The following GDPD1 variants were observed in gnomAD, a reference collection of about 807,000 sequenced individuals.
GDPD1 encodes the protein lysophospholipase D GDPD1.
In GDPD1, 28 loss-of-function variants were observed where a neutral mutation model predicts 45.1. That is an observed-to-expected ratio of 0.62 (90% CI 0.46 to 0.85). The LOEUF (loss-of-function observed/expected upper bound fraction) is 0.85, where lower values mean the gene tolerates loss of function less well. GDPD1 is among the 40% of genes least tolerant of loss of function. The pLI, the probability that GDPD1 is intolerant of heterozygous loss-of-function variation, is 0.00. For synonymous variants in GDPD1, 139 were observed against 131.4 expected, an observed-to-expected ratio of 1.06 and a Z score of -0.40; for missense variants, 256 against 364.8, an observed-to-expected ratio of 0.70 and a Z score of 2.43.
rs2047405391 is a variant in GDPD1 at position 59,267,167 on chromosome 17, A to G, written c.703A>G (p.Ile235Val). ...QFFEIPMPSIILKLKEPHTMS... is the reference protein window; with the variant it reads ...QFFEIPMPSIVLKLKEPHTMS... Reference sequence around the variant, plus strand: ...TTTTGAAATCCCAATGCCTTCTATTATACTGAAGTAAGTGGTTACCCTTTT... The same window carrying G: ...TTTTGAAATCCCAATGCCTTCTATTGTACTGAAGTAAGTGGTTACCCTTTT... The change falls in exon 7 of 10, where the codon ATA becomes GTA. Residue 235 changes from isoleucine to valine, a missense_variant. Ile to Val is a conservative substitution (Grantham distance 29). Coordinates refer to ENST00000284116, the MANE Select transcript of GDPD1 (RefSeq NM_182569.4). The G allele has an allele frequency of 1.2e-6, 2 of 1,612,776 alleles. No homozygotes were observed. The highest frequency in any genetic ancestry group is 8.5e-7 in the Non-Finnish European group (1 of 1,179,508).
rs1226181221 is a variant in GDPD1 at position 59,255,874 on chromosome 17, T to TACAC, written c.368-1232_368-1229dup. Among the ~76,000 whole-genome samples, 5 of 46,458 alleles carry TACAC rather than the reference T, an allele frequency of 1.1e-4. No individual in the cohort carries two copies. The East Asian group carries it at 2.0e-3, about 19-fold the overall frequency. 30.5% of individuals were successfully genotyped at this position (46,458 alleles called of 152,430 possible). A position where few individuals can be genotyped will look rare whatever the true frequency, so the allele number is the denominator to read the frequency against. On this transcript the variant is annotated intron_variant, in intron 4 of 9. Coordinates refer to ENST00000284116, the MANE Select transcript of GDPD1 (RefSeq NM_182569.4). Reference sequence around the variant, plus strand: ...ATACACACGTATATATATATATATATACACACACACACACACACATATATA... The same window carrying TACAC: ...ATACACACGTATATATATATATATATACACACACACACACACACACACATATATA...
chr17:59,245,502 A>C lies in GDPD1; in HGVS notation c.274A>C (p.Lys92Gln). The C allele has an allele frequency of 1.2e-6, 2 of 1,611,540 alleles. No individual in the cohort carries two copies. The highest frequency in any genetic ancestry group is 8.5e-7 in the Non-Finnish European group (1 of 1,177,852). ...TGTAGTGTCACATGATGAGAATCTAAAGAGAGCAACTGGGGTCAATGTAAA... is the reference window on the plus strand; with the variant it reads ...TGTAGTGTCACATGATGAGAATCTACAGAGAGCAACTGGGGTCAATGTAAA... ...QVVVSHDENLKRATGVNVNIS... is the reference protein window; with the variant it reads ...QVVVSHDENLQRATGVNVNIS... Residue 92 changes from lysine to glutamine, a missense_variant, in exon 3 of 10, where the codon AAG becomes CAG. Coordinates refer to ENST00000284116, the MANE Select transcript of GDPD1 (RefSeq NM_182569.4).
intron 1 of GDPD1, among the ~76,000 whole-genome samples, chr17:59,225,882 C>T (rs2047043622): frequency 2.0e-5 from 3 of 151,974 alleles, no homozygotes; most frequent in South Asian, 2.1e-4. Context: ...CCACCATGCC[C>T]GGCTAATTTT....
chr17:59,240,352 A>G (rs1379850947), intron 2 of GDPD1, among the ~76,000 whole-genome samples: 1 of 152,118 alleles, frequency 6.6e-6, no homozygotes, highest in African/African-American at 2.4e-5. Context: ...ATAAGGATAT[A>G]AAGAAAGAAA....
intron 1 of GDPD1, among the ~76,000 whole-genome samples, chr17:59,233,922 A>G (rs1393590146): frequency 6.6e-6 from 1 of 152,192 alleles, no homozygotes; most frequent in Non-Finnish European, 1.5e-5. Flanking sequence ...TATGAGGAGT[A>G]TATGAAAACT....
At position 59,225,747 on chromosome 17, in the gene GDPD1, A is replaced by G. The variant is rs114299200; in HGVS notation, c.142+4996A>G. ...ATTTTATTATTATTTTTTGAGACGA[A>G]GTCTTGCTTAGTCTCCCAGGCTGGA... On this transcript the variant is annotated intron_variant, in intron 1 of 9. Coordinates refer to ENST00000284116, the MANE Select transcript of GDPD1 (RefSeq NM_182569.4). 4.8e-3 allele frequency among the ~76,000 whole-genome samples: 732 copies of G among 152,184 alleles called. 9 individuals carry two copies. Among genetic ancestry groups the G allele is most frequent in the African/African-American group, 0.017 (687 of 41,506 alleles).
At position 59,250,703 on chromosome 17, in the gene GDPD1, T is replaced by G. The variant is rs1386987759; in HGVS notation, c.367+1918T>G. Among the ~76,000 whole-genome samples the G allele has an allele frequency of 1.1e-4, 17 of 152,132 alleles. No homozygotes were observed. In the East Asian group the frequency reaches 3.3e-3, roughly 29 times the overall value. On this transcript the variant is annotated intron_variant, in intron 4 of 9. Transcript: ENST00000284116. ...TGTCCCTCAGAAAGTCATGAAACTG[T>G]TTTTTCTTTCTTTTGAGGCAGAATC... is the stretch of plus-strand genomic sequence containing the variant.
chr17:59,270,956 T>G lies in GDPD1; in HGVS notation c.731T>G (p.Met244Arg). ...IILKLKEPHT[M>R]SRSQKFLIWL... ...CCTAGGCTAAAAGAACCACACACCA[T>G]GTCCAGAAGTCAAAAGTTTCTCATC... Residue 244 changes from methionine to arginine, a missense_variant, in exon 8 of 10, where the codon ATG becomes AGG. Coordinates refer to ENST00000284116, the MANE Select transcript of GDPD1 (RefSeq NM_182569.4). 1 of 1,604,614 alleles carries G rather than the reference T, an allele frequency of 6.2e-7. No homozygotes were observed. Among genetic ancestry groups the G allele is most frequent in the Non-Finnish European group, 8.5e-7 (1 of 1,174,326 alleles).
intron 1 of GDPD1, among the ~76,000 whole-genome samples, chr17:59,231,517 G>A (rs991309296): frequency 3.3e-5 from 5 of 151,250 alleles, no homozygotes; most frequent in East Asian, 2.0e-4. Flanking sequence ...TAGTAGAGAC[G>A]GGGTTTCACC....
rs1228564285 is a variant in GDPD1 at position 59,273,819 on chromosome 17, G to A, written c.*46G>A. The A allele has an allele frequency of 1.3e-6, 2 of 1,497,162 alleles. No homozygotes were observed. The highest frequency in any genetic ancestry group is 2.4e-5 in the Admixed American group (1 of 41,540). The allele number at this position is 1,497,162 out of a possible 1,614,324, so 92.7% of individuals were successfully genotyped here. A position where few individuals can be genotyped will look rare whatever the true frequency, so the allele number is the denominator to read the frequency against. On this transcript the variant is annotated 3_prime_UTR_variant, in exon 10 of 10. Coordinates refer to ENST00000284116, the MANE Select transcript of GDPD1 (RefSeq NM_182569.4). ...ATTGAAGGAAAAAATGAAGACCTAA[G>A]AAAAAAATATTTCATGATCATTTCC...
chr17:59,251,537 T>C (rs1433981194), intron 4 of GDPD1, among the ~76,000 whole-genome samples: 1 of 150,708 alleles, frequency 6.6e-6, no homozygotes, highest in East Asian at 1.9e-4. Context: ...AAAAGAACAA[T>C]GCTGTGGAAA....
chr17:59,260,552 G>A (rs560779137), intron 6 of GDPD1, among the ~76,000 whole-genome samples: 220 of 151,860 alleles, frequency 1.4e-3, no homozygotes, highest in African/African-American at 4.5e-3. Context: ...AAAAAAAAGT[G>A]TATAAAAATT....
Position 59,248,765 on chromosome 17 carries a change from T to C in GDPD1, c.347T>C (p.Leu116Pro), listed in dbSNP as rs2047231873. The C allele has an allele frequency of 6.2e-7, 1 of 1,606,226 alleles. No individual in the cohort carries two copies. The highest frequency in any genetic ancestry group is 8.5e-7 in the Non-Finnish European group (1 of 1,175,844). The change falls in exon 4 of 10, where the codon CTG (leucine) becomes CCG (proline). Residue 116 changes from leucine (L) to proline (P), a missense_variant. Physicochemically the swap from Leu to Pro is moderately conservative, Grantham distance 98 (BLOSUM62 -3). Transcript: ENST00000284116. ...GAGCTCCCACCTTACCTTGGCAAAC[T>C]GGATGTCTCATTTCAAAGAGGTAAT... The part of the protein sequence containing the change: ...YCELPPYLGK[L>P]DVSFQRACQC...
At position 59,274,267 on chromosome 17, in the gene GDPD1, C is replaced by T; in HGVS notation, c.*494C>T. The T allele has an allele frequency of 6.3e-6, 3 of 478,678 alleles. No homozygotes were observed. The highest frequency in any genetic ancestry group is 8.2e-6 in the Non-Finnish European group (3 of 366,876). 29.7% of individuals were successfully genotyped at this position (478,678 alleles called of 1,614,324 possible). A position where few individuals can be genotyped will look rare whatever the true frequency, so the allele number is the denominator to read the frequency against. On this transcript the variant is annotated 3_prime_UTR_variant, in exon 10 of 10. Coordinates refer to ENST00000284116, the MANE Select transcript of GDPD1 (RefSeq NM_182569.4). ...GTGGCTCATGCCTGTAATCCCAGCA[C>T]TTTGGGAGGCTGAGACAGGCGGATC...
At chr17:59,225,090 C>CTTTTTTTTT (rs796851725) in intron 1 of GDPD1, among the ~76,000 whole-genome samples, 221 of 113,584 alleles carry the variant, frequency 1.9e-3, no homozygotes, top group Middle Eastern at 4.5e-3. Context: ...TCTTTCTTTT[C>CTTTTTTTTT]TTTTTTTTTT....
At chr17:59,223,529 G>C (rs556959461) in intron 1 of GDPD1, among the ~76,000 whole-genome samples, 7 of 152,110 alleles carry the variant, frequency 4.6e-5, no homozygotes, top group Non-Finnish European at 8.8e-5. Flanking sequence ...TTTTGTCTTC[G>C]ACACGGATAA....
intron 4 of GDPD1, among the ~76,000 whole-genome samples, chr17:59,256,242 A>G (rs2047308245): frequency 1.3e-5 from 2 of 151,872 alleles, no homozygotes; most frequent in Admixed American, 6.6e-5. Context: ...ACTTGGGCCC[A>G]GGAGGCAGAG....
chr17:59,221,445 C>CAATAAATAAATAAATA (rs71145536), intron 1 of GDPD1, among the ~76,000 whole-genome samples: 1 of 135,404 alleles, frequency 7.4e-6, no homozygotes, highest in African/African-American at 2.8e-5. Context: ...TTGAACACTG[C>CAATAAATAAATAAATA]AATAAATAAA....
intron 2 of GDPD1, among the ~76,000 whole-genome samples, chr17:59,243,089 T>G (rs2047186353): frequency 6.6e-6 from 1 of 151,858 alleles, no homozygotes; most frequent in African/African-American, 2.4e-5. Context: ...CTCGGGAAGC[T>G]GAGGTGTGGG....
Sources: gnomAD v4.1 joint callset for allele counts (sites outside exome capture counted in the v4.1 genomes callset) on GRCh38, gnomAD v4.1.1 for gene constraint, MANE v1.5 for transcripts, NCBI Gene and HGNC (gene_info 2026-07-23, HGNC 2026-07-21) for gene names.